The following TBC1D14 variants were observed in gnomAD, a reference collection of about 807,000 sequenced individuals.
TBC1D14 encodes TBC1 domain family, member 14.
A neutral mutation model predicts 79.0 loss-of-function variants in TBC1D14; 26 were observed. The observed-to-expected ratio is 0.33, with a 90% CI of 0.24 to 0.46. The LOEUF (loss-of-function observed/expected upper bound fraction) is 0.46, where lower values mean the gene tolerates loss of function less well. Among genes scored for constraint, TBC1D14 ranks in the 20% least tolerant of loss-of-function variants. The probability of loss-of-function intolerance (pLI) is 1.00; values close to 1 mark genes in which losing one functional copy is unlikely to be tolerated. For missense variants in TBC1D14, 769 were observed against 887.6 expected (o/e 0.87, Z 1.70); for synonymous variants, 394 against 349.9 (o/e 1.13, Z -1.40).
intron 10 of TBC1D14, among the ~76,000 whole-genome samples, chr4:7,010,303 G>A (rs543084853): frequency 6.6e-6 from 1 of 152,328 alleles, no homozygotes; most frequent in Admixed American, 6.5e-5. Flanking sequence ...CGCATGCATG[G>A]TTTGATATTA....
At chr4:6,947,911 T>TG (rs1321552766) in intron 2 of TBC1D14, among the ~76,000 whole-genome samples, 1 of 152,090 alleles carries the variant, frequency 6.6e-6, no homozygotes, top group Non-Finnish European at 1.5e-5. Flanking sequence ...TGTCAGACCT[T>TG]GGGGATACAA....
chr4:6,946,279 G>T (rs1030292490), intron 2 of TBC1D14, among the ~76,000 whole-genome samples: 6 of 152,134 alleles, frequency 3.9e-5, no homozygotes, highest in Non-Finnish European at 1.5e-5. Flanking sequence ...GAGAGGAGAT[G>T]CTTGGGCCTA....
chr4:6,936,165 C>T (rs2108960566), intron 2 of TBC1D14, among the ~76,000 whole-genome samples: 1 of 152,304 alleles, frequency 6.6e-6, no homozygotes, highest in South Asian at 2.1e-4. Flanking sequence ...ATCATTATCA[C>T]CAGGAGTCCA....
At chr4:6,935,948 T>C (rs1712278841) in intron 2 of TBC1D14, among the ~76,000 whole-genome samples, 2 of 152,200 alleles carry the variant, frequency 1.3e-5, no homozygotes, top group Admixed American at 1.3e-4. Flanking sequence ...CCGGCCTGAA[T>C]ATAGATTTTT....
In TBC1D14 at chr4:7,013,822, C is replaced by T. The variant is rs547551280; in HGVS notation, c.1648-626C>T. The stretch of plus-strand genomic sequence containing the variant: ...GCAGTGGCGCAATCTCGGCTCACTG[C>T]AAGCTCCGCCTCCCGGGTTCACGCC... On this transcript the variant is annotated intron_variant, in intron 11 of 13. Coordinates refer to ENST00000409757, the MANE Select transcript of TBC1D14 (RefSeq NM_020773.3). Among the ~76,000 whole-genome samples, 721 of 151,908 alleles carry T rather than the reference C, an allele frequency of 4.7e-3. 3 individuals carry two copies. Among genetic ancestry groups the T allele is most frequent in the Middle Eastern group, 0.014 (4 of 294 alleles).
chr4:6,912,411 AAT>A (rs945550728), intron 1 of TBC1D14, among the ~76,000 whole-genome samples: 11 of 151,578 alleles, frequency 7.3e-5, no homozygotes, highest in African/African-American at 2.7e-4. Context: ...AAAATAAAAA[AAT>A]AAAAAATAAA....
intron 2 of TBC1D14, among the ~76,000 whole-genome samples, chr4:6,928,612 C>T (rs1009073792): frequency 2.0e-5 from 3 of 152,158 alleles, no homozygotes; most frequent in African/African-American, 4.8e-5. Context: ...GTGGGCAGAT[C>T]ACCTGAAGTC....
chr4:7,005,266 G>T (rs1720063723), intron 8 of TBC1D14, among the ~76,000 whole-genome samples: 1 of 151,606 alleles, frequency 6.6e-6, no homozygotes. Context: ...CTGGGTGCAG[G>T]CGCTCACGCC....
intron 11 of TBC1D14, among the ~76,000 whole-genome samples, chr4:7,011,953 C>T (rs1158164777): frequency 6.6e-6 from 1 of 151,952 alleles, no homozygotes; most frequent in Non-Finnish European, 1.5e-5. Flanking sequence ...TCCTTGATAT[C>T]TTAAGGTTTA....
At chr4:6,979,493 C>A (rs759132167) in intron 3 of TBC1D14, among the ~76,000 whole-genome samples, 1 of 152,096 alleles carries the variant, frequency 6.6e-6, no homozygotes, top group Non-Finnish European at 1.5e-5. Context: ...TGGTGATACA[C>A]ACCTGTAGTC....
chr4:6,994,573 G>C (rs1718819079), intron 4 of TBC1D14, among the ~76,000 whole-genome samples: 2 of 152,234 alleles, frequency 1.3e-5, no homozygotes, highest in East Asian at 3.9e-4. Flanking sequence ...TGTCAGCTGG[G>C]TGCAGTGGCT....
chr4:6,958,292 G>C (rs924062924), intron 2 of TBC1D14, among the ~76,000 whole-genome samples: 18 of 152,046 alleles, frequency 1.2e-4, no homozygotes, highest in African/African-American at 4.4e-4. Context: ...GGGGTCGAGG[G>C]GGTTATGTCC....
chr4:6,943,091 G>GA (rs1374499420), intron 2 of TBC1D14, among the ~76,000 whole-genome samples: 17 of 152,176 alleles, frequency 1.1e-4, no homozygotes, highest in Non-Finnish European at 2.9e-5. Flanking sequence ...GTTTTCAGCA[G>GA]AAGCTTGCTG....
In TBC1D14 at chr4:7,032,948, T is replaced by C. The variant is rs1723196310; in HGVS notation, c.*2556T>C. 6.5e-6 allele frequency: 1 copy of C among 152,686 alleles called. No individual in the cohort carries two copies. Among genetic ancestry groups the C allele is most frequent in the Admixed American group, 6.5e-5 (1 of 15,292 alleles). The allele number at this position is 152,686 out of a possible 1,614,324, so 9.5% of individuals were successfully genotyped here. On this transcript the variant is annotated 3_prime_UTR_variant, in exon 14 of 14. Transcript: ENST00000409757. ...ACTTTTTAACTGCTCAGTTTTTGAC[T>C]ATTTTAAATAGTTTGCTGAAAACTC...
chr4:7,018,937 C>CCA (rs1721542987), intron 12 of TBC1D14, among the ~76,000 whole-genome samples: 1 of 152,188 alleles, frequency 6.6e-6, no homozygotes, highest in Non-Finnish European at 1.5e-5. Flanking sequence ...GAATCGGGGA[C>CCA]TACATTCCAT....
intron 3 of TBC1D14, among the ~76,000 whole-genome samples, chr4:6,971,446 T>C (rs1417653918): frequency 6.6e-6 from 1 of 152,276 alleles, no homozygotes; most frequent in East Asian, 1.9e-4. Context: ...CTAACTGGGC[T>C]GCATTCTTTT....
intron 3 of TBC1D14, among the ~76,000 whole-genome samples, chr4:6,988,583 T>G (rs1175726451): frequency 6.6e-6 from 1 of 152,264 alleles, no homozygotes; most frequent in Non-Finnish European, 1.5e-5. Flanking sequence ...CCAGCCTGCC[T>G]TGGCAGCTTT....
chr4:7,008,474 A>G (rs1044944934), intron 9 of TBC1D14, among the ~76,000 whole-genome samples: 2 of 152,290 alleles, frequency 1.3e-5, no homozygotes, highest in African/African-American at 4.8e-5. Flanking sequence ...GTGGAATGGC[A>G]TGATCTCGGC....
chr4:6,947,531 G>A (rs1011459668), intron 2 of TBC1D14, among the ~76,000 whole-genome samples: 1 of 151,788 alleles, frequency 6.6e-6, no homozygotes, highest in African/African-American at 2.4e-5. Context: ...CCCTGGTGGC[G>A]GGTGCCTGTA....
Sources: allele counts gnomAD v4.1 joint callset (sites outside exome capture counted in the v4.1 genomes callset), GRCh38; gene constraint gnomAD v4.1.1; transcripts MANE v1.5; gene names NCBI Gene and HGNC (gene_info 2026-07-23, HGNC 2026-07-21).